The following PFKFB2 variants were observed in gnomAD, a reference collection of about 807,000 sequenced individuals.
PFKFB2 encodes 6-phosphofructo-2-kinase/fructose-2,6-bisphosphatase 2.
A neutral mutation model predicts 68.0 loss-of-function variants in PFKFB2; 53 were observed. That is an observed-to-expected ratio of 0.78 (90% confidence interval 0.63 to 0.98). The LOEUF is 0.98. PFKFB2 is among the 50% of genes least tolerant of loss of function. The pLI is 0.00. For missense variants in PFKFB2, 451 were observed against 642.0 expected, an observed-to-expected ratio of 0.70 and a Z score of 3.22; for synonymous variants, 222 against 227.6, an observed-to-expected ratio of 0.98 and a Z score of 0.22.
At chr1:207,034,442 T>C (rs1364120208) in exon 1 of PFKFB2, 1 of 152,222 alleles carries the variant, frequency 6.6e-6, no homozygotes, top group South Asian at 2.1e-4. Flanking sequence ...CACCCATGGA[T>C]GAAGTCAATG....
chr1:207,069,813 T>A (rs1683413210), intron 11 of PFKFB2, among the ~76,000 whole-genome samples: 2 of 152,202 alleles, frequency 1.3e-5, no homozygotes, highest in African/African-American at 2.4e-5. Context: ...CACCCCCACA[T>A]AAGTAAGTGG....
chr1:207,054,726 G>A lies in PFKFB2; in HGVS notation c.9G>A (p.Gly3=), dbSNP rs1682868537. 6.2e-7 allele frequency: 1 copy of A among 1,612,516 alleles called. No individual in the cohort carries two copies. Among genetic ancestry groups the A allele is most frequent in the South Asian group, 1.1e-5 (1 of 90,938 alleles). The change falls in exon 2 of 15, where the codon GGG becomes GGA. Residue 3 remains glycine (G), a synonymous_variant. Transcript: ENST00000367080. MS[G]ASSSEQNNNS... ...ACATCTGAAGAGCTGCCATGTCTGG[G>A]GCATCTTCCTCAGAACAGAACAACA... is the stretch of plus-strand genomic sequence containing the variant.
chr1:207,051,087 T>C (rs1194437048), upstream of PFKFB2: 4 of 1,444,734 alleles, frequency 2.8e-6, no homozygotes, highest in Admixed American at 5.6e-5. Flanking sequence ...GCTTCTGCCT[T>C]AGTACCTTAG....
chr1:207,058,843 G>A lies in PFKFB2; in HGVS notation c.86-3110G>A, dbSNP rs374038539. Among the ~76,000 whole-genome samples, 28 of 152,320 alleles carry A rather than the reference G, an allele frequency of 1.8e-4. No individual in the cohort carries two copies. The East Asian group carries it at 3.3e-3, about 18-fold the overall frequency. On this transcript the variant is annotated intron_variant, in intron 2 of 14. Transcript: ENST00000367080. ...GTTTATGAAAGGAAAATGAGTTTAA[G>A]TTTAAGAAAAGGAGTTGAACCTGGC...
At chr1:207,049,031 CA>C, upstream of PFKFB2, 1 of 1,613,246 alleles carries the variant, frequency 6.2e-7, no homozygotes, top group South Asian at 1.1e-5. Flanking sequence ...CACACTTCTC[CA>C]AAGTTGGTAT....
upstream of PFKFB2, chr1:207,049,723 C>T (rs1682687987): frequency 2.5e-6 from 4 of 1,606,968 alleles, no homozygotes; most frequent in Non-Finnish European, 2.5e-6. Context: ...CAGCATGTCA[C>T]CTGTTAAAAA....
rs397862660 is a variant in PFKFB2 at position 207,040,923 on chromosome 1, A to ATTTTTTT, written c.-61-1230_-61-1224dup. On this transcript the variant is annotated intron_variant, in intron 1 of 5. Coordinates refer to the PFKFB2 transcript ENST00000545806. ...TAGTTATAACTAGCATTTAAAACAG[A>ATTTTTTT]TTTTTTTTTTTTTTTTTTTTTTGAG... 1.6e-3 allele frequency among the ~76,000 whole-genome samples: 185 copies of ATTTTTTT among 117,346 alleles called. 2 individuals carry two copies. The highest frequency in any genetic ancestry group is 5.0e-3 in the African/African-American group (148 of 29,824). The allele number at this position is 117,346 out of a possible 152,430, so 77.0% of individuals were successfully genotyped here.
chr1:207,049,218 C>G, upstream of PFKFB2: 1 of 1,614,036 alleles, frequency 6.2e-7, no homozygotes, highest in South Asian at 1.1e-5. Context: ...AGAAAATGGT[C>G]AGAGGAGGTG....
In PFKFB2 at chr1:207,072,625, G is replaced by T; in HGVS notation, c.*254G>T. 8.0e-7 allele frequency: 1 copy of T among 1,249,226 alleles called. No individual in the cohort carries two copies. Among genetic ancestry groups the T allele is most frequent in the South Asian group, 2.4e-5 (1 of 42,080 alleles). 77.4% of individuals were successfully genotyped at this position (1,249,226 alleles called of 1,614,324 possible). On this transcript the variant is annotated 3_prime_UTR_variant, in exon 15 of 15. Coordinates refer to ENST00000367080, the MANE Select transcript of PFKFB2 (RefSeq NM_006212.2). ...TTGAGTCTTTTAGGACAGATTCTCAGATGGGATGATCTGGAGGAGGAGGAA... is the reference window on the plus strand; with the variant it reads ...TTGAGTCTTTTAGGACAGATTCTCATATGGGATGATCTGGAGGAGGAGGAA...
In PFKFB2 at chr1:207,075,508, G is replaced by A; in HGVS notation, c.*3137G>A. ...TTACTTGAATGCATGTTGGTAATCTGTATACATTACTATGACTGTGTCTAT... is the reference window on the plus strand; with the variant it reads ...TTACTTGAATGCATGTTGGTAATCTATATACATTACTATGACTGTGTCTAT... On this transcript the variant is annotated 3_prime_UTR_variant, in exon 15 of 15. Coordinates refer to ENST00000367080, the MANE Select transcript of PFKFB2 (RefSeq NM_006212.2). 1 of 984,962 alleles carries A rather than the reference G, an allele frequency of 1.0e-6. No individual in the cohort carries two copies. The highest frequency in any genetic ancestry group is 1.2e-6 in the Non-Finnish European group (1 of 829,542). The allele number at this position is 984,962 out of a possible 1,614,324, so 61.0% of individuals were successfully genotyped here.
Position 207,068,270 on chromosome 1 carries a change from G to C in PFKFB2, c.948G>C (p.Val316=), listed in dbSNP as rs768903592. ...RTIQTAESLG[V]PYEQWKILNE... is the part of the protein sequence containing the mutation. ...TACAGACTGCTGAATCTCTCGGGGT[G>C]CCCTATGAGCAGTGGAAGATTCTGA... Residue 316 remains valine, a synonymous_variant, in exon 10 of 15, where the codon GTG becomes GTC. Coordinates refer to ENST00000367080, the MANE Select transcript of PFKFB2 (RefSeq NM_006212.2). The C allele has an allele frequency of 6.2e-7, 1 of 1,606,246 alleles. No individual in the cohort carries two copies. The highest frequency in any genetic ancestry group is 1.7e-5 in the Admixed American group (1 of 58,602).
chr1:207,055,015 C>A, intron 2 of PFKFB2: 1 of 491,282 alleles, frequency 2.0e-6, no homozygotes, highest in South Asian at 2.3e-5. Flanking sequence ...TGTAGTCCAG[C>A]AGTTTCTTAC....
intron 2 of PFKFB2, chr1:207,046,382 G>GA (rs1682601777): frequency 6.6e-6 from 1 of 151,888 alleles, no homozygotes; most frequent in African/African-American, 2.4e-5. Flanking sequence ...AGTAAAAAAT[G>GA]AAAAAACAAA....
chr1:207,076,146 G>T lies in PFKFB2; in HGVS notation c.*3775G>T. On this transcript the variant is annotated 3_prime_UTR_variant, in exon 15 of 15. Transcript: ENST00000367080. ...GTGAGTATTCCATATGAGGATCTGGGTAATCCTCTTTGCAACCCACATTTG... is the reference window on the plus strand; with the variant it reads ...GTGAGTATTCCATATGAGGATCTGGTTAATCCTCTTTGCAACCCACATTTG... 1.0e-6 allele frequency: 1 copy of T among 985,150 alleles called. No individual in the cohort carries two copies. Among genetic ancestry groups the T allele is most frequent in the African/African-American group, 1.7e-5 (1 of 57,300 alleles). The allele number at this position is 985,150 out of a possible 1,614,324, so 61.0% of individuals were successfully genotyped here.
Position 207,076,239 on chromosome 1 carries a change from T to C in PFKFB2, c.*3868T>C. 1.0e-6 allele frequency: 1 copy of C among 977,568 alleles called. No individual in the cohort carries two copies. Among genetic ancestry groups the C allele is most frequent in the Non-Finnish European group, 1.2e-6 (1 of 823,032 alleles). The allele number at this position is 977,568 out of a possible 1,614,324, so 60.6% of individuals were successfully genotyped here. ...CTGTTTGGAAATAAATTCATCTATGTTACTTTTTTTTTCTTTTTTTTTTTT... is the reference window on the plus strand; with the variant it reads ...CTGTTTGGAAATAAATTCATCTATGCTACTTTTTTTTTCTTTTTTTTTTTT... On this transcript the variant is annotated 3_prime_UTR_variant, in exon 15 of 15. Transcript: ENST00000367080.
At chr1:207,044,854 C>T (rs1186091001) in intron 2 of PFKFB2, 1 of 152,442 alleles carries the variant, frequency 6.6e-6, no homozygotes, top group African/African-American at 2.4e-5. Context: ...TTACCAACCT[C>T]CTTTAAATGT....
chr1:207,041,575 T>A (rs1461306248), intron 1 of PFKFB2, among the ~76,000 whole-genome samples: 2 of 152,246 alleles, frequency 1.3e-5, no homozygotes, highest in African/African-American at 4.8e-5. Flanking sequence ...CATTCTTTTC[T>A]ATGGCTGCAT....
At position 207,071,314 on chromosome 1, in the gene PFKFB2, G is replaced by A. The variant is rs551289389; in HGVS notation, c.1285+64G>A. 2.4e-5 allele frequency: 34 copies of A among 1,414,202 alleles called. No homozygotes were observed. The African/African-American group carries it at 3.7e-4, about 15-fold the overall frequency. The allele number at this position is 1,414,202 out of a possible 1,614,324, so 87.6% of individuals were successfully genotyped here. ...GAGGAAGGTCAGAATTTTCTCTGAA[G>A]TTTGTCTAGAGTTCAGCTTCATTAT... On this transcript the variant is annotated intron_variant, in intron 13 of 14. Coordinates refer to ENST00000367080, the MANE Select transcript of PFKFB2 (RefSeq NM_006212.2).
chr1:207,071,385 G>A (rs1038840489), intron 13 of PFKFB2, 124 bp from the exon 14 acceptor site: 3 of 1,031,002 alleles, frequency 2.9e-6, no homozygotes, highest in African/African-American at 3.2e-5. Flanking sequence ...GTTTTGAAAG[G>A]GATGTATGCA....
Sources: allele counts gnomAD v4.1 joint callset (sites outside exome capture counted in the v4.1 genomes callset), GRCh38; gene constraint gnomAD v4.1.1; transcripts MANE v1.5; gene names NCBI Gene and HGNC (gene_info 2026-07-23, HGNC 2026-07-21).